The following DSCAM variants were observed in gnomAD, a reference collection of about 807,000 sequenced individuals.
The protein encoded by DSCAM is cell adhesion molecule DSCAM.
In DSCAM, 47 loss-of-function variants were observed where a neutral mutation model predicts 217.7. That is an observed-to-expected ratio of 0.22 (90% confidence interval 0.17 to 0.28). The LOEUF (loss-of-function observed/expected upper bound fraction) is 0.28, where lower values mean the gene tolerates loss of function less well. DSCAM is among the 10% of genes least tolerant of loss of function. The probability of loss-of-function intolerance (pLI) is 1.00; values close to 1 mark genes in which losing one functional copy is unlikely to be tolerated. For missense variants in DSCAM, 2,080 were observed against 2,618.3 expected (o/e 0.79, Z 4.49); for synonymous variants, 1,056 against 1,015.3 (o/e 1.04, Z -0.76).
rs143572038 is a variant in DSCAM at position 40,482,271 on chromosome 21, C to G, written c.509-113026G>C. 9.2e-3 allele frequency among the ~76,000 whole-genome samples: 1,405 copies of G among 152,302 alleles called. 29 individuals are homozygous for G. Among genetic ancestry groups the G allele is most frequent in the African/African-American group, 0.031 (1,286 of 41,564 alleles). The stretch of plus-strand genomic sequence containing the variant: ...CAGTTCTAAACGTAGCTATTGTACA[C>G]TTATGTAGTGTCAGAAGCACTTTTT... On this transcript the variant is annotated intron_variant, in intron 3 of 32. Transcript: ENST00000400454.
chr21:40,843,368 ATGTGTGTGTGTGTGTGTGTGTGTGTG>A (rs36229663), intron 1 of DSCAM, among the ~76,000 whole-genome samples: 2 of 146,050 alleles, frequency 1.4e-5, no homozygotes, highest in Non-Finnish European at 3.0e-5. Flanking sequence ...GAATGCATGC[ATGTGTGTGTGTGTGTGTGTGTGTGTG>A]TGTGTGTGTG....
chr21:40,267,865 T>C (rs565640038), intron 11 of DSCAM, among the ~76,000 whole-genome samples: 2 of 151,420 alleles, frequency 1.3e-5, no homozygotes, highest in Non-Finnish European at 2.9e-5. Flanking sequence ...CATTGCACTC[T>C]AGCCTGGGAA....
intron 10 of DSCAM, among the ~76,000 whole-genome samples, chr21:40,278,508 G>A (rs2073718727): frequency 1.3e-5 from 2 of 152,120 alleles, no homozygotes; most frequent in Non-Finnish European, 1.5e-5. Context: ...CAGGGTGGGG[G>A]CAAGACTTGA....
At chr21:40,222,530 C>T (rs1346508127) in intron 11 of DSCAM, among the ~76,000 whole-genome samples, 1 of 152,202 alleles carries the variant, frequency 6.6e-6, no homozygotes, top group Non-Finnish European at 1.5e-5. Flanking sequence ...TGTCCAACTA[C>T]ACCTCTGTGC....
chr21:40,535,675 A>G (rs996337399), intron 3 of DSCAM, among the ~76,000 whole-genome samples: 1 of 152,216 alleles, frequency 6.6e-6, no homozygotes, highest in Non-Finnish European at 1.5e-5. Context: ...ATAAGAGCCA[A>G]TCCTTGCCCT....
At chr21:40,696,153 C>T (rs1423570603) in intron 2 of DSCAM, among the ~76,000 whole-genome samples, 1 of 152,108 alleles carries the variant, frequency 6.6e-6, no homozygotes, top group Non-Finnish European at 1.5e-5. Context: ...TATCTAAGTA[C>T]TGTGCTTGGT....
At chr21:40,795,776 TG>T (rs979162222) in intron 1 of DSCAM, among the ~76,000 whole-genome samples, 3 of 152,232 alleles carry the variant, frequency 2.0e-5, no homozygotes, top group Admixed American at 6.5e-5. Flanking sequence ...TAAAATTATT[TG>T]GAAATAACTG....
intron 10 of DSCAM, among the ~76,000 whole-genome samples, chr21:40,291,837 T>G (rs1453339817): frequency 1.3e-5 from 2 of 152,218 alleles, no homozygotes; most frequent in Admixed American, 1.3e-4. Context: ...GGTCAGAGAC[T>G]CTATGGACAG....
intron 28 of DSCAM, 66 bp from the exon 29 acceptor site, chr21:40,055,906 C>A: frequency 8.5e-7 from 1 of 1,174,440 alleles, no homozygotes; most frequent in Non-Finnish European, 1.3e-6. Context: ...CCAACATGCA[C>A]CTGTATACCA....
chr21:40,845,719 G>A (rs1369572284), intron 1 of DSCAM, among the ~76,000 whole-genome samples: 4 of 152,058 alleles, frequency 2.6e-5, no homozygotes, highest in African/African-American at 9.7e-5. Flanking sequence ...AATTTGAAAT[G>A]GGAATTTAAG....
At chr21:40,082,675 C>A (rs1322234460) in intron 24 of DSCAM, among the ~76,000 whole-genome samples, 1 of 145,246 alleles carries the variant, frequency 6.9e-6, no homozygotes, top group African/African-American at 2.6e-5. Context: ...TTAAAAAAAT[C>A]ACCTCACTTT....
chr21:40,082,520 T>C (rs947872374), intron 24 of DSCAM, among the ~76,000 whole-genome samples: 9 of 140,646 alleles, frequency 6.4e-5, no homozygotes, highest in Non-Finnish European at 1.2e-4. Context: ...GTACAATTTG[T>C]GCTGTGCATC....
rs922053902 is a variant in DSCAM, at chr21:40,531,450, C to A, written c.508+161360G>T. Among the ~76,000 whole-genome samples the A allele has an allele frequency of 6.6e-5, 10 of 152,188 alleles. No homozygotes were observed. The East Asian group carries it at 7.7e-4, about 12-fold the overall frequency. On this transcript the variant is annotated intron_variant, in intron 3 of 32. Coordinates refer to ENST00000400454, the MANE Select transcript of DSCAM (RefSeq NM_001389.5). ...AGCACACCCCAGGGTCCCACAGTAG[C>A]CTTGGGTGTGTTTCCCCTCTGCACT...
chr21:40,264,765 CCT>C (rs2073500343), intron 11 of DSCAM, among the ~76,000 whole-genome samples: 1 of 152,146 alleles, frequency 6.6e-6, no homozygotes, highest in African/African-American at 2.4e-5. Flanking sequence ...AGTAAAACTA[CCT>C]CTGTTAGAAA....
chr21:40,374,061 C>T (rs906162808), intron 3 of DSCAM, among the ~76,000 whole-genome samples: 2 of 151,802 alleles, frequency 1.3e-5, no homozygotes, highest in Non-Finnish European at 2.9e-5. Context: ...TTTCAAATCA[C>T]AAAAAAAGGG....
chr21:40,838,820 C>G (rs1401577042), intron 1 of DSCAM, among the ~76,000 whole-genome samples: 1 of 152,082 alleles, frequency 6.6e-6, no homozygotes, highest in African/African-American at 2.4e-5. Context: ...AAACACTTTC[C>G]ACAGCATCAT....
chr21:40,246,192 C>T (rs1190344384), intron 11 of DSCAM, among the ~76,000 whole-genome samples: 9 of 151,124 alleles, frequency 6.0e-5, no homozygotes, highest in Non-Finnish European at 1.0e-4. Context: ...GGGCAAGAAT[C>T]CCATACTCAC....
At chr21:40,090,355 T>C (rs2089591800) in intron 21 of DSCAM, among the ~76,000 whole-genome samples, 1 of 152,088 alleles carries the variant, frequency 6.6e-6, no homozygotes, top group Admixed American at 6.5e-5. Context: ...CCAGGTGATG[T>C]GTGTTGAAGG....
chr21:40,415,684 G>A (rs2075364263), intron 3 of DSCAM, among the ~76,000 whole-genome samples: 1 of 152,182 alleles, frequency 6.6e-6, no homozygotes, highest in South Asian at 2.1e-4. Context: ...CTCTAAGGGA[G>A]ATCTCACACC....
Sources: allele counts gnomAD v4.1 joint callset (sites outside exome capture counted in the v4.1 genomes callset), GRCh38; gene constraint gnomAD v4.1.1; transcripts MANE v1.5; gene names NCBI Gene and HGNC (gene_info 2026-07-23, HGNC 2026-07-21).